HTRA3: variants seen among roughly 807,000 people sequenced by gnomAD.
The protein encoded by HTRA3 is HtrA serine peptidase 3.
HTRA3 carries 41 observed loss-of-function variants against 43.2 expected under a neutral mutation model. The observed-to-expected ratio is 0.95, with a 90% CI of 0.74 to 1.23. The LOEUF (loss-of-function observed/expected upper bound fraction) is 1.23, where lower values mean the gene tolerates loss of function less well. Among genes scored for constraint, HTRA3 ranks in the 50% most tolerant of loss-of-function variants. The pLI is 0.00. For missense variants in HTRA3, 628 were observed against 647.1 expected (o/e 0.97, Z 0.32); for synonymous variants, 295 against 287.9 (o/e 1.02, Z -0.25).
chr4:8,290,869 TC>T (rs894180960), intron 3 of HTRA3, among the ~76,000 whole-genome samples: 2 of 152,104 alleles, frequency 1.3e-5, no homozygotes, highest in Non-Finnish European at 2.9e-5. Context: ...AGGCCTGAGT[TC>T]CCCCGTGTGT....
At chr4:8,273,290 G>A (rs1269924379) in intron 1 of HTRA3, among the ~76,000 whole-genome samples, 1 of 152,194 alleles carries the variant, frequency 6.6e-6, no homozygotes, top group African/African-American at 2.4e-5. Flanking sequence ...TATTCCAGCA[G>A]CGTAGCCGGC....
chr4:8,278,121 A>G (rs1411195197), intron 1 of HTRA3, among the ~76,000 whole-genome samples: 1 of 152,138 alleles, frequency 6.6e-6, no homozygotes, highest in African/African-American at 2.4e-5. Context: ...CAGTGTCGCC[A>G]TCTGTTCCAT....
At chr4:8,305,535 A>G (rs1241678194) in intron 8 of HTRA3, among the ~76,000 whole-genome samples, 2 of 152,262 alleles carry the variant, frequency 1.3e-5, no homozygotes, top group African/African-American at 4.8e-5. Context: ...GGGAGGTCTC[A>G]GTGAGCCTCA....
At chr4:8,293,757 G>C (rs529199470) in intron 5 of HTRA3, among the ~76,000 whole-genome samples, 20 of 152,234 alleles carry the variant, frequency 1.3e-4, no homozygotes, top group African/African-American at 3.1e-4. Flanking sequence ...TCCCTCTCTC[G>C]GTCCCTCCAA....
Position 8,295,662 on chromosome 4 carries a change from A to C in HTRA3, c.1051+1461A>C. 7.2e-7 allele frequency: 1 copy of C among 1,393,092 alleles called. No homozygotes were observed. Among genetic ancestry groups the C allele is most frequent in the Non-Finnish European group, 9.3e-7 (1 of 1,069,968 alleles). The allele number at this position is 1,393,092 out of a possible 1,614,324, so 86.3% of individuals were successfully genotyped here. ...ACGCCCAGGCCTGACTCAGCAACTC[A>C]CACTTCCACATTGCTTTGCTGTCTC... On this transcript the variant is annotated intron_variant, in intron 6 of 8. Transcript: ENST00000307358. The surrounding 1 kb of genome is among the most constrained non-coding windows in gnomAD (Gnocchi z 6.9).
chr4:8,279,851 C>G lies in HTRA3; in HGVS notation c.386-2586C>G, dbSNP rs1455418501. Reference sequence around the variant, plus strand: ...ACGCCGGGCTCCTCTCTGCCTCATCCCTGGTGATGCTGTGCTGTCTCTGGT... The same window carrying G: ...ACGCCGGGCTCCTCTCTGCCTCATCGCTGGTGATGCTGTGCTGTCTCTGGT... On this transcript the variant is annotated intron_variant, in intron 1 of 8. Transcript: ENST00000307358. The surrounding 1 kb of genome is among the most constrained non-coding windows in gnomAD (Gnocchi z 7.4). Among the ~76,000 whole-genome samples, 1 of 152,218 alleles carries G rather than the reference C, an allele frequency of 6.6e-6. No homozygotes were observed. The highest frequency in any genetic ancestry group is 2.4e-5 in the African/African-American group (1 of 41,460).
chr4:8,293,835 G>GGCAGGCCCGAGCT (rs1263411804), intron 5 of HTRA3, among the ~76,000 whole-genome samples: 1 of 152,182 alleles, frequency 6.6e-6, no homozygotes. Flanking sequence ...AGAGCCTGGG[G>GGCAGGCCCGAGCT]GCAGGCCCGA....
chr4:8,286,891 G>C lies in HTRA3; in HGVS notation c.708+108G>C, dbSNP rs1713009743. The C allele has an allele frequency of 3.7e-6, 3 of 821,264 alleles. No homozygotes were observed. Among genetic ancestry groups the C allele is most frequent in the East Asian group, 5.4e-5 (2 of 37,314 alleles). The allele number at this position is 821,264 out of a possible 1,614,324, so 50.9% of individuals were successfully genotyped here. On this transcript the variant is annotated intron_variant, in intron 3 of 8. Transcript: ENST00000307358. This position sits in a 1 kb window ranked among gnomAD's most constrained non-coding sequence, Gnocchi z 4.9. ...GCTAGCCCCACCTTCCATCAGCCAG[G>C]GGGAGGAAACTGGGCCCAGGGAGGA...
chr4:8,290,349 A>C (rs1713185571), intron 3 of HTRA3, among the ~76,000 whole-genome samples: 1 of 152,246 alleles, frequency 6.6e-6, no homozygotes, highest in Admixed American at 6.5e-5. Context: ...AAGAGGACTG[A>C]AACGATGAGA....
At chr4:8,275,782 T>A (rs551591269) in intron 1 of HTRA3, among the ~76,000 whole-genome samples, 1 of 152,346 alleles carries the variant, frequency 6.6e-6, no homozygotes, top group Admixed American at 6.5e-5. Flanking sequence ...GGGGTATTGA[T>A]GTCCTGGTCC....
intron 2 of HTRA3, among the ~76,000 whole-genome samples, chr4:8,284,902 T>C (rs187592162): frequency 3.3e-5 from 5 of 152,304 alleles, no homozygotes; most frequent in Admixed American, 3.3e-4. Flanking sequence ...ACAGACTGCA[T>C]GGCTTAAAAT....
Position 8,270,271 on chromosome 4 carries a change from C to T in HTRA3, c.303C>T (p.Cys101=), listed in dbSNP as rs774135867. Residue 101 remains cysteine (C), a synonymous_variant, in exon 1 of 9, where the codon TGC becomes TGT. Transcript: ENST00000307358. ...GTDGHTYANV[C]ALQAASRRAL... is the part of the protein sequence containing the mutation. ...ACGGGCACACCTATGCCAACGTGTG[C>T]GCGCTGCAGGCGGCCAGCCGCCGCG... 4.0e-6 allele frequency: 6 copies of T among 1,495,906 alleles called. No homozygotes were observed. The highest frequency in any genetic ancestry group is 1.2e-5 in the South Asian group (1 of 80,662). 92.7% of individuals were successfully genotyped at this position (1,495,906 alleles called of 1,614,324 possible). A position where few individuals can be genotyped will look rare whatever the true frequency, so the allele number is the denominator to read the frequency against.
intron 3 of HTRA3, among the ~76,000 whole-genome samples, chr4:8,291,167 G>A (rs1245265449): frequency 1.3e-5 from 2 of 152,168 alleles, no homozygotes; most frequent in African/African-American, 2.4e-5. Flanking sequence ...CCTCTGTTCC[G>A]TGTACTCCAG....
chr4:8,293,696 G>T lies in HTRA3; in HGVS notation c.937-391G>T, dbSNP rs73083641. On this transcript the variant is annotated intron_variant, in intron 5 of 8. Transcript: ENST00000307358. ...CCCACCTGCCAGCCCCCCACTTCTG[G>T]AAGGTAGGGATAGACAGGGTCTCTG... Among the ~76,000 whole-genome samples, 606 of 152,226 alleles carry T rather than the reference G, an allele frequency of 4.0e-3. 5 individuals are homozygous for T. The highest frequency in any genetic ancestry group is 0.013 in the African/African-American group (521 of 41,532).
At chr4:8,276,298 C>T (rs962318128) in intron 1 of HTRA3, among the ~76,000 whole-genome samples, 1 of 152,262 alleles carries the variant, frequency 6.6e-6, no homozygotes, top group Non-Finnish European at 1.5e-5. Context: ...CAGTGGGACC[C>T]CCCTCACTGG....
Position 8,269,885 on chromosome 4 carries a change from G to T in HTRA3, c.-84G>T. On this transcript the variant is annotated 5_prime_UTR_variant, in exon 1 of 9. Coordinates refer to ENST00000307358, the MANE Select transcript of HTRA3 (RefSeq NM_053044.5). ...CCCCAGTCCCATCCGTAGGCGCCCG[G>T]CGCCCGGCCCCGCAGCGGCCTCGTT... 1 of 664,740 alleles carries T rather than the reference G, an allele frequency of 1.5e-6. No homozygotes were observed. The highest frequency in any genetic ancestry group is 1.9e-6 in the Non-Finnish European group (1 of 534,322). 41.2% of individuals were successfully genotyped at this position (664,740 alleles called of 1,614,324 possible). A position where few individuals can be genotyped will look rare whatever the true frequency, so the allele number is the denominator to read the frequency against.
chr4:8,287,829 C>T (rs1281362786), intron 3 of HTRA3, among the ~76,000 whole-genome samples: 1 of 152,216 alleles, frequency 6.6e-6, no homozygotes, highest in Non-Finnish European at 1.5e-5. Flanking sequence ...CGCACTGGAG[C>T]AGGGCTGGCC....
At chr4:8,272,646 C>G (rs540605669) in intron 1 of HTRA3, among the ~76,000 whole-genome samples, 68 of 152,348 alleles carry the variant, frequency 4.5e-4, no homozygotes, top group South Asian at 2.3e-3. Flanking sequence ...TCTCACCCAG[C>G]AAGGTCAGGA....
chr4:8,270,337 G>A lies in HTRA3; in HGVS notation c.369G>A (p.Lys123=). 2 of 1,432,028 alleles carry A rather than the reference G, an allele frequency of 1.4e-6. No homozygotes were observed. Among genetic ancestry groups the A allele is most frequent in the South Asian group, 1.4e-5 (1 of 71,150 alleles). The allele number at this position is 1,432,028 out of a possible 1,614,324, so 88.7% of individuals were successfully genotyped here. Reference sequence around the variant, plus strand: ...GGACGCCCGTGCGCCAGCTGCAGAAGGGCGCCTGCCCGTTGGGTAAGCGCT... The same window carrying A: ...GGACGCCCGTGCGCCAGCTGCAGAAAGGCGCCTGCCCGTTGGGTAAGCGCT... ...LSGTPVRQLQ[K]GACPLGLHQL... The change falls in exon 1 of 9, where the codon AAG becomes AAA. Residue 123 remains lysine, a synonymous_variant. Coordinates refer to ENST00000307358, the MANE Select transcript of HTRA3 (RefSeq NM_053044.5).
Sources: allele counts gnomAD v4.1 joint callset (sites outside exome capture counted in the v4.1 genomes callset), GRCh38; gene constraint gnomAD v4.1.1; non-coding constraint Gnocchi (gnomAD v3.1); transcripts MANE v1.5; gene names NCBI Gene and HGNC (gene_info 2026-07-23, HGNC 2026-07-21).